The following DTD1 variants were observed in gnomAD, a reference collection of about 807,000 sequenced individuals.
DTD1 encodes D-tyrosyl-tRNA deacylase 1 homolog.
In DTD1, 13 loss-of-function variants were observed where a neutral mutation model predicts 25.6. That is an observed-to-expected ratio of 0.51 (90% CI 0.33 to 0.81). The LOEUF is 0.81. Ranked by LOEUF, DTD1 falls within the 30% of genes least tolerant of loss-of-function variation. DTD1 has a pLI of 0.02. For synonymous variants in DTD1, 110 were observed against 103.6 expected (o/e 1.06, Z -0.37); for missense variants, 193 against 266.4 (o/e 0.72, Z 1.92).
At chr20:18,641,564 A>G (rs549687907) in intron 4 of DTD1, among the ~76,000 whole-genome samples, 7 of 152,162 alleles carry the variant, frequency 4.6e-5, no homozygotes, top group Admixed American at 1.3e-4. Flanking sequence ...GGTCATCCTA[A>G]TAAGTGTGAA....
intron 4 of DTD1, among the ~76,000 whole-genome samples, chr20:18,659,565 A>G (rs1370265607): frequency 6.6e-6 from 1 of 152,212 alleles, no homozygotes; most frequent in Non-Finnish European, 1.5e-5. Flanking sequence ...GTTAATCAAA[A>G]AATATATTTT....
intron 5 of DTD1, among the ~76,000 whole-genome samples, chr20:18,752,322 T>C (rs13037428): frequency 0.25 from 37,954 of 152,046 alleles, 5,077 homozygotes; most frequent in East Asian, 0.35. Flanking sequence ...CAATTATATA[T>C]ATGGTACATC....
chr20:18,645,195 A>C (rs2060846005), intron 4 of DTD1, among the ~76,000 whole-genome samples: 1 of 152,200 alleles, frequency 6.6e-6, no homozygotes, highest in Non-Finnish European at 1.5e-5. Flanking sequence ...CCTGTGGTAC[A>C]TGGAGTTCTA....
rs182190086 is a variant in DTD1 at position 18,642,620 on chromosome 20, C to T, written c.477+14387C>T. ...TAGCTTGCAGTTTCAGCAGAAGGAT[C>T]GACTCCCAGGAAGACCGTGAGAGAG... On this transcript the variant is annotated intron_variant, in intron 4 of 5. Transcript: ENST00000377452. 9.9e-5 allele frequency among the ~76,000 whole-genome samples: 15 copies of T among 152,156 alleles called. No individual in the cohort carries two copies. In the East Asian group the frequency reaches 2.3e-3, roughly 24 times the overall value.
chr20:18,594,250 C>T (rs777745283), intron 2 of DTD1, among the ~76,000 whole-genome samples: 3 of 152,144 alleles, frequency 2.0e-5, no homozygotes, highest in Non-Finnish European at 2.9e-5. Flanking sequence ...ATCATGCACA[C>T]ACACTTAGCA....
intron 4 of DTD1, among the ~76,000 whole-genome samples, chr20:18,667,958 G>A (rs181194646): frequency 1.3e-5 from 2 of 152,296 alleles, no homozygotes; most frequent in South Asian, 2.1e-4. Context: ...ATGCTTATAC[G>A]TGCGAAGGTG....
intron 4 of DTD1, among the ~76,000 whole-genome samples, chr20:18,683,503 A>G (rs1257601856): frequency 1.3e-5 from 2 of 152,154 alleles, no homozygotes; most frequent in Non-Finnish European, 2.9e-5. Flanking sequence ...CCATACCACT[A>G]TGTTTAGAAA....
intron 3 of DTD1, among the ~76,000 whole-genome samples, chr20:18,619,868 T>TA (rs1325465503): frequency 3.3e-5 from 5 of 152,236 alleles, no homozygotes; most frequent in Non-Finnish European, 7.3e-5. Flanking sequence ...ACTATTTATT[T>TA]AAAAAGCAAC....
At chr20:18,679,627 A>G (rs1424045509) in intron 4 of DTD1, among the ~76,000 whole-genome samples, 1 of 152,094 alleles carries the variant, frequency 6.6e-6, no homozygotes, top group Non-Finnish European at 1.5e-5. Context: ...TTTGGTAGGT[A>G]ATTATCACTG....
At chr20:18,717,781 T>TA (rs2061186999) in intron 4 of DTD1, among the ~76,000 whole-genome samples, 2 of 152,126 alleles carry the variant, frequency 1.3e-5, no homozygotes, top group Non-Finnish European at 2.9e-5. Flanking sequence ...TCAGAAAACT[T>TA]AGAGCTTAAG....
At chr20:18,687,019 T>C (rs538600584) in intron 4 of DTD1, among the ~76,000 whole-genome samples, 1 of 152,296 alleles carries the variant, frequency 6.6e-6, no homozygotes, top group South Asian at 2.1e-4. Context: ...TTCTGGTCTA[T>C]TGGGGGTTGT....
rs879299785 is a variant in DTD1 at position 18,595,729 on chromosome 20, G to C, written c.135-277G>C. ...ATAGGTGGTTGTCATCTTAGCCCCAGTTCTCACCAGTAGCTGCTATGAACT... is the reference window on the plus strand; with the variant it reads ...ATAGGTGGTTGTCATCTTAGCCCCACTTCTCACCAGTAGCTGCTATGAACT... On this transcript the variant is annotated intron_variant, in intron 2 of 5. Coordinates refer to ENST00000377452, the MANE Select transcript of DTD1 (RefSeq NM_080820.6). Among the ~76,000 whole-genome samples the C allele has an allele frequency of 2.6e-5, 4 of 152,274 alleles. No individual in the cohort carries two copies. In the South Asian group the frequency reaches 8.3e-4, roughly 32 times the overall value.
At chr20:18,761,371 T>C (rs1292863174) in intron 5 of DTD1, among the ~76,000 whole-genome samples, 1 of 152,144 alleles carries the variant, frequency 6.6e-6, no homozygotes, top group Admixed American at 6.5e-5. Flanking sequence ...GCTCCACCTC[T>C]GATAATTATT....
At chr20:18,659,759 G>C (rs1032225779) in intron 4 of DTD1, among the ~76,000 whole-genome samples, 3 of 151,908 alleles carry the variant, frequency 2.0e-5, no homozygotes, top group African/African-American at 4.8e-5. Flanking sequence ...GTCAGGGAGT[G>C]GGGGGAAAAG....
chr20:18,613,350 A>G (rs1460955759), intron 3 of DTD1, among the ~76,000 whole-genome samples: 2 of 152,234 alleles, frequency 1.3e-5, no homozygotes, highest in Non-Finnish European at 2.9e-5. Context: ...GCGTGGTAAC[A>G]TTCCTCAGAA....
chr20:18,701,631 C>T (rs2061105618), intron 4 of DTD1, among the ~76,000 whole-genome samples: 1 of 152,150 alleles, frequency 6.6e-6, no homozygotes, highest in Non-Finnish European at 1.5e-5. Context: ...TCTGGCCTTT[C>T]AGTGTCGGGG....
intron 4 of DTD1, among the ~76,000 whole-genome samples, chr20:18,714,287 C>A (rs1034459589): frequency 6.6e-6 from 1 of 152,192 alleles, no homozygotes; most frequent in African/African-American, 2.4e-5. Context: ...CCATTCCCAA[C>A]CACTTGTGTG....
chr20:18,661,653 G>C (rs6045544), intron 4 of DTD1, among the ~76,000 whole-genome samples: 16 of 152,206 alleles, frequency 1.1e-4, no homozygotes, highest in Non-Finnish European at 1.9e-4. Flanking sequence ...TTAGAGGCGT[G>C]AGCCACTGCA....
At chr20:18,634,187 C>G (rs1444589522) in intron 4 of DTD1, among the ~76,000 whole-genome samples, 2 of 152,156 alleles carry the variant, frequency 1.3e-5, no homozygotes, top group Admixed American at 1.3e-4. Flanking sequence ...TTTTAACACC[C>G]TAGCCTGCCA....
Sources: gnomAD v4.1 joint callset for allele counts (sites outside exome capture counted in the v4.1 genomes callset) on GRCh38, gnomAD v4.1.1 for gene constraint, MANE v1.5 for transcripts, NCBI Gene and HGNC (gene_info 2026-07-23, HGNC 2026-07-21) for gene names.